Variants in PTTG1IP2 observed in about 807,000 individuals in gnomAD.
PTTG1IP2 encodes PTTG1IP family member 2.
chr7:90,481,143 TG>T (rs1797811232), intron 2 of PTTG1IP2, among the ~76,000 whole-genome samples: 1 of 152,214 alleles, frequency 6.6e-6, no homozygotes, highest in African/African-American at 2.4e-5. Flanking sequence ...ATTGTTTCCC[TG>T]GGAGTTGTAA....
At chr7:90,496,905 C>T (rs1467279973) in intron 6 of PTTG1IP2, among the ~76,000 whole-genome samples, 1 of 152,260 alleles carries the variant, frequency 6.6e-6, no homozygotes, top group Admixed American at 6.5e-5. Flanking sequence ...TCATTTGTCT[C>T]AATATACTTT....
chr7:90,489,570 A>G (rs925538794), intron 4 of PTTG1IP2, among the ~76,000 whole-genome samples: 2 of 151,676 alleles, frequency 1.3e-5, no homozygotes, highest in African/African-American at 4.8e-5. Flanking sequence ...TAAATTCTAT[A>G]AGCTTTCTCA....
intron 2 of PTTG1IP2, among the ~76,000 whole-genome samples, chr7:90,484,451 G>A (rs1307970204): frequency 6.6e-6 from 1 of 151,928 alleles, no homozygotes; most frequent in African/African-American, 2.4e-5. Context: ...AAACATAATA[G>A]CCATCACTCT....
Position 90,480,646 on chromosome 7 carries a change from T to C in PTTG1IP2, c.192+1372T>C, listed in dbSNP as rs192804610. ...GTTCATCCATGATCATATCTAAAAG[T>C]TAACAATATCATCTTAATCTCACCA... On this transcript the variant is annotated intron_variant, in intron 2 of 6. Transcript: ENST00000509356. 6.6e-5 allele frequency among the ~76,000 whole-genome samples: 10 copies of C among 152,314 alleles called. No homozygotes were observed. The East Asian group carries it at 1.9e-3, about 29-fold the overall frequency.
intron 6 of PTTG1IP2, among the ~76,000 whole-genome samples, chr7:90,508,297 A>G (rs1798147480): frequency 1.3e-5 from 2 of 149,990 alleles, no homozygotes; most frequent in Admixed American, 6.6e-5. Flanking sequence ...AAAAGAAAAA[A>G]TATTTCTACA....
chr7:90,496,599 TTTTTA>T (rs1205132282), intron 6 of PTTG1IP2, among the ~76,000 whole-genome samples: 1 of 152,106 alleles, frequency 6.6e-6, no homozygotes, highest in East Asian at 1.9e-4. Flanking sequence ...TTTTGTTAAT[TTTTTA>T]TTTTAATTTT....
At chr7:90,501,530 C>T (rs935972584) in intron 6 of PTTG1IP2, among the ~76,000 whole-genome samples, 1 of 152,068 alleles carries the variant, frequency 6.6e-6, no homozygotes, top group African/African-American at 2.4e-5. Context: ...ATTAGCCAGA[C>T]ATGGTGGTGT....
intron 6 of PTTG1IP2, among the ~76,000 whole-genome samples, chr7:90,510,308 A>T (rs1798173036): frequency 6.6e-6 from 1 of 152,254 alleles, no homozygotes; most frequent in Non-Finnish European, 1.5e-5. Flanking sequence ...CAAAAGAAAA[A>T]AAAGTGCAAA....
At chr7:90,500,142 A>T (rs1333324432) in intron 6 of PTTG1IP2, among the ~76,000 whole-genome samples, 1 of 152,000 alleles carries the variant, frequency 6.6e-6, no homozygotes, top group East Asian at 2.0e-4. Flanking sequence ...GAGCCTGGGG[A>T]GGTCGAGGCT....
chr7:90,476,614 G>A (rs1179278905), intron 1 of PTTG1IP2, among the ~76,000 whole-genome samples: 1 of 151,940 alleles, frequency 6.6e-6, no homozygotes, highest in Non-Finnish European at 1.5e-5. Context: ...AAATGCTACT[G>A]AAAAAGAAAG....
intron 1 of PTTG1IP2, among the ~76,000 whole-genome samples, chr7:90,471,311 A>G (rs1699175215): frequency 6.6e-6 from 1 of 152,188 alleles, no homozygotes; most frequent in African/African-American, 2.4e-5. Context: ...CCTAAGTGAC[A>G]GGCAACAGAC....
rs769007846 is a variant in PTTG1IP2 at position 90,497,415 on chromosome 7, T to C, written c.*50+2985T>C. On this transcript the variant is annotated intron_variant, in intron 6 of 6. Coordinates refer to ENST00000509356, the MANE Select transcript of PTTG1IP2 (RefSeq NM_001365443.2). ...CCGTCTCTACTAAAAGTACAAAAAA[T>C]TAGCCGGGCGTGGCGGCGGGCGCCT... 2.0e-4 allele frequency among the ~76,000 whole-genome samples: 30 copies of C among 151,686 alleles called. No homozygotes were observed. The East Asian group carries it at 4.7e-3, about 24-fold the overall frequency.
At chr7:90,473,510 G>T (rs1412267854) in intron 1 of PTTG1IP2, among the ~76,000 whole-genome samples, 2 of 152,184 alleles carry the variant, frequency 1.3e-5, no homozygotes, top group African/African-American at 2.4e-5. Context: ...CCTACATTTA[G>T]CTAAATGTTT....
At chr7:90,498,809 T>C (rs1303800781) in intron 6 of PTTG1IP2, among the ~76,000 whole-genome samples, 1 of 152,210 alleles carries the variant, frequency 6.6e-6, no homozygotes, top group Non-Finnish European at 1.5e-5. Flanking sequence ...TTAACTTCTC[T>C]CCACCTCTTA....
At chr7:90,484,774 G>T (rs781651338) in intron 2 of PTTG1IP2, among the ~76,000 whole-genome samples, 13 of 152,116 alleles carry the variant, frequency 8.5e-5, no homozygotes, top group African/African-American at 1.2e-4. Context: ...ACCAGGTGTG[G>T]CCTTGCCTTC....
chr7:90,481,167 T>C (rs939104841), intron 2 of PTTG1IP2, among the ~76,000 whole-genome samples: 28 of 152,210 alleles, frequency 1.8e-4, no homozygotes, highest in African/African-American at 6.5e-4. Context: ...ACCACTACTT[T>C]AATGGCTTTG....
chr7:90,496,154 T>C (rs1001050122), intron 6 of PTTG1IP2, among the ~76,000 whole-genome samples: 1 of 152,242 alleles, frequency 6.6e-6, no homozygotes, highest in Non-Finnish European at 1.5e-5. Flanking sequence ...GGTTTCAGGA[T>C]AGTACTGGCC....
At chr7:90,510,494 T>C (rs913662967) in intron 6 of PTTG1IP2, among the ~76,000 whole-genome samples, 3 of 152,116 alleles carry the variant, frequency 2.0e-5, no homozygotes, top group African/African-American at 7.2e-5. Context: ...TAATACGAGC[T>C]TTATTTGTGT....
intron 6 of PTTG1IP2, among the ~76,000 whole-genome samples, chr7:90,495,560 G>T (rs1205845254): frequency 6.6e-6 from 1 of 152,194 alleles, no homozygotes; most frequent in Non-Finnish European, 1.5e-5. Context: ...CAGAAAGGAG[G>T]TCTCTAGCTA....
Sources: allele counts gnomAD v4.1 joint callset (sites outside exome capture counted in the v4.1 genomes callset), GRCh38; gene constraint gnomAD v4.1.1; transcripts MANE v1.5; gene names NCBI Gene and HGNC (gene_info 2026-07-23, HGNC 2026-07-21).